CALN1: variants seen among roughly 807,000 people sequenced by gnomAD.
The protein encoded by CALN1 is calneuron 1, also known as calcium-binding protein 8.
A neutral mutation model predicts 30.6 loss-of-function variants in CALN1; 17 were observed. The observed-to-expected ratio is 0.56, with a 90% CI of 0.38 to 0.83. The LOEUF (loss-of-function observed/expected upper bound fraction) is 0.83, where lower values mean the gene tolerates loss of function less well. Among genes scored for constraint, CALN1 ranks in the 40% least tolerant of loss-of-function variants. CALN1 has a pLI of 0.00. For synonymous variants in CALN1, 156 were observed against 131.4 expected (o/e 1.19, Z -1.28); for missense variants, 291 against 354.9 (o/e 0.82, Z 1.45).
chr7:72,074,356 C>T (rs1046819536), intron 4 of CALN1, among the ~76,000 whole-genome samples: 1 of 152,080 alleles, frequency 6.6e-6, no homozygotes, highest in Admixed American at 6.5e-5. Context: ...CTCTCAGGGC[C>T]ACCTCAATGA....
intron 2 of CALN1, among the ~76,000 whole-genome samples, chr7:72,370,162 A>G (rs1286826733): frequency 6.6e-6 from 1 of 152,194 alleles, no homozygotes; most frequent in Admixed American, 6.5e-5. Context: ...GACATTTTAA[A>G]AAGTATGTAA....
intron 5 of CALN1, among the ~76,000 whole-genome samples, chr7:71,983,038 A>G (rs1426631267): frequency 6.6e-6 from 1 of 152,176 alleles, no homozygotes; most frequent in African/African-American, 2.4e-5. Flanking sequence ...CCCTCACACT[A>G]TATAAACATC....
At chr7:72,335,181 T>G (rs1332231537) in intron 2 of CALN1, among the ~76,000 whole-genome samples, 4 of 151,904 alleles carry the variant, frequency 2.6e-5, no homozygotes, top group Admixed American at 1.3e-4. Flanking sequence ...AAAAATGAAA[T>G]AAAACCACGA....
chr7:72,358,677 G>A (rs183041953), intron 2 of CALN1, among the ~76,000 whole-genome samples: 7 of 152,204 alleles, frequency 4.6e-5, no homozygotes, highest in African/African-American at 1.7e-4. Context: ...GCGGCCAGGC[G>A]CGGTGGCTCA....
chr7:72,008,298 G>C (rs1799884921), intron 5 of CALN1, among the ~76,000 whole-genome samples: 1 of 152,092 alleles, frequency 6.6e-6, no homozygotes, highest in South Asian at 2.1e-4. Flanking sequence ...AATAACTATT[G>C]AGTGAATGAA....
At chr7:72,164,162 G>T (rs1788343522) in intron 3 of CALN1, among the ~76,000 whole-genome samples, 1 of 152,086 alleles carries the variant, frequency 6.6e-6, no homozygotes, top group African/African-American at 2.4e-5. Context: ...GAGGTGAGGA[G>T]TTCAAGACCA....
At chr7:71,986,545 C>T (rs537158397) in intron 5 of CALN1, among the ~76,000 whole-genome samples, 1 of 152,250 alleles carries the variant, frequency 6.6e-6, no homozygotes, top group East Asian at 1.9e-4. Flanking sequence ...TTCATTGATG[C>T]CTTTTATGTA....
rs916021429 is a variant in CALN1, at chr7:71,970,971, G to A, written c.501+52686C>T. 2.2e-4 allele frequency among the ~76,000 whole-genome samples: 34 copies of A among 152,136 alleles called. 1 individual carries two copies. The highest frequency in any genetic ancestry group is 1.8e-3 in the Admixed American group (28 of 15,268). On this transcript the variant is annotated intron_variant, in intron 5 of 6. Transcript: ENST00000395275. ...TGCAGGTTCACTCGGCATTCCCAGCGGAGGCAAGAAAGATCCTGAAGGCAT... is the reference window on the plus strand; with the variant it reads ...TGCAGGTTCACTCGGCATTCCCAGCAGAGGCAAGAAAGATCCTGAAGGCAT...
rs1449200539 is a variant in CALN1 at position 72,372,290 on chromosome 7, A to G, written c.119+30961T>C. ...AAGGAGAGCCTTACTCTCCAGTAAG[A>G]TAATATGTGGTCCCAAATGGATGGG... On this transcript the variant is annotated intron_variant, in intron 2 of 6. Transcript: ENST00000395275. Among the ~76,000 whole-genome samples the G allele has an allele frequency of 5.9e-5, 9 of 152,154 alleles. No homozygotes were observed. The East Asian group carries it at 1.7e-3, about 29-fold the overall frequency.
intron 3 of CALN1, among the ~76,000 whole-genome samples, chr7:72,278,118 T>A (rs1385071384): frequency 1.3e-5 from 2 of 151,918 alleles, no homozygotes; most frequent in Admixed American, 1.3e-4. Flanking sequence ...CAGGTTTATG[T>A]CCATCCCTAA....
At chr7:72,200,853 C>T (rs1225279606) in intron 3 of CALN1, among the ~76,000 whole-genome samples, 2 of 152,070 alleles carry the variant, frequency 1.3e-5, no homozygotes, top group Non-Finnish European at 2.9e-5. Flanking sequence ...TTTGTTTCTC[C>T]CTGAGGAAAG....
rs1283223680 is a variant in CALN1, at chr7:71,784,018, C to A, written c.*3757G>T. The A allele has an allele frequency of 6.6e-6, 1 of 152,200 alleles. No individual in the cohort carries two copies. Among genetic ancestry groups the A allele is most frequent in the South Asian group, 2.1e-4 (1 of 4,830 alleles). The allele number at this position is 152,200 out of a possible 1,614,324, so 9.4% of individuals were successfully genotyped here. On this transcript the variant is annotated 3_prime_UTR_variant, in exon 7 of 7. Transcript: ENST00000395275. ...CTAAACCTCAGTTCACCAAAGTTCA[C>A]GTGTTTGGCTTGCAGGAGTGTGCTC...
At chr7:71,987,376 G>A (rs950485666) in intron 5 of CALN1, among the ~76,000 whole-genome samples, 2 of 152,200 alleles carry the variant, frequency 1.3e-5, no homozygotes, top group Non-Finnish European at 2.9e-5. Flanking sequence ...GAGGACACAG[G>A]AGCAGGGCCC....
intron 2 of CALN1, among the ~76,000 whole-genome samples, chr7:72,397,382 G>A (rs866291166): frequency 1.3e-5 from 2 of 152,120 alleles, no homozygotes; most frequent in African/African-American, 2.4e-5. Context: ...AAAGTCAAGA[G>A]GATAGAAGGT....
chr7:71,964,467 T>C (rs1353355863), intron 5 of CALN1, among the ~76,000 whole-genome samples: 1 of 152,194 alleles, frequency 6.6e-6, no homozygotes, highest in African/African-American at 2.4e-5. Context: ...TCCTGGGTTC[T>C]TGCCCTAGTG....
At chr7:71,830,038 T>C (rs1789170305) in intron 5 of CALN1, among the ~76,000 whole-genome samples, 2 of 151,778 alleles carry the variant, frequency 1.3e-5, no homozygotes, top group Admixed American at 1.3e-4. Context: ...AGTTCCTTTT[T>C]TTTTTTTTTT....
At chr7:71,933,680 C>T (rs548098096) in intron 5 of CALN1, among the ~76,000 whole-genome samples, 18 of 152,232 alleles carry the variant, frequency 1.2e-4, no homozygotes, top group South Asian at 6.2e-4. Flanking sequence ...AGAAGCTTAA[C>T]GAAATGTGCA....
chr7:72,308,290 G>A (rs374915321), intron 2 of CALN1, among the ~76,000 whole-genome samples: 1 of 147,984 alleles, frequency 6.8e-6, no homozygotes, highest in African/African-American at 2.5e-5. Context: ...TTTGAACCAG[G>A]GAGAAGGAGG....
At chr7:71,816,793 C>T (rs1788289537) in intron 5 of CALN1, among the ~76,000 whole-genome samples, 1 of 152,048 alleles carries the variant, frequency 6.6e-6, no homozygotes, top group African/African-American at 2.4e-5. Flanking sequence ...CATGGTGAAA[C>T]CCTGTCTCTA....
Sources: allele counts gnomAD v4.1 joint callset (sites outside exome capture counted in the v4.1 genomes callset), GRCh38; gene constraint gnomAD v4.1.1; transcripts MANE v1.5; gene names NCBI Gene and HGNC (gene_info 2026-07-23, HGNC 2026-07-21).